CDIN1: variants seen among roughly 807,000 people sequenced by gnomAD.
CDIN1 encodes the protein CDAN1 interacting nuclease 1.
A neutral mutation model predicts 45.3 loss-of-function variants in CDIN1; 33 were observed. That is an observed-to-expected ratio of 0.73 (90% CI 0.55 to 0.97). CDIN1 has a LOEUF of 0.97. CDIN1 is among the 50% of genes least tolerant of loss of function. The probability of loss-of-function intolerance (pLI) is 0.00; values close to 1 mark genes in which losing one functional copy is unlikely to be tolerated. For synonymous variants in CDIN1, 118 were observed against 124.4 expected, an observed-to-expected ratio of 0.95 and a Z score of 0.34; for missense variants, 303 against 339.4, an observed-to-expected ratio of 0.89 and a Z score of 0.84.
chr15:36,797,641 T>C (rs2054849022), intron 10 of CDIN1, among the ~76,000 whole-genome samples: 1 of 149,774 alleles, frequency 6.7e-6, no homozygotes, highest in African/African-American at 2.5e-5. Context: ...TTCAGAAGTG[T>C]ACAACTTGGA....
chr15:36,768,604 G>A (rs1595575262), intron 10 of CDIN1, among the ~76,000 whole-genome samples: 1 of 152,150 alleles, frequency 6.6e-6, no homozygotes, highest in Admixed American at 6.5e-5. Context: ...CTGCCTTTAC[G>A]CAGATCCCCA....
intron 10 of CDIN1, among the ~76,000 whole-genome samples, chr15:36,796,636 C>T (rs991174094): frequency 3.3e-5 from 5 of 152,204 alleles, no homozygotes; most frequent in Non-Finnish European, 4.4e-5. Flanking sequence ...CTCTTCTGTT[C>T]ACCTCAGATG....
At chr15:36,634,311 C>A (rs929904095) in intron 1 of CDIN1, among the ~76,000 whole-genome samples, 1 of 118,504 alleles carries the variant, frequency 8.4e-6, no homozygotes, top group Non-Finnish European at 1.8e-5. Context: ...ATGCCTGAAA[C>A]CCCAGCTATT....
At chr15:36,803,987 T>TAC (rs2055137288) in intron 10 of CDIN1, among the ~76,000 whole-genome samples, 1 of 152,200 alleles carries the variant, frequency 6.6e-6, no homozygotes, top group African/African-American at 2.4e-5. Flanking sequence ...AACCGATCAC[T>TAC]ACCTCATAGT....
rs569212882 is a variant in CDIN1 at position 36,599,088 on chromosome 15, C to T, written c.101+19127C>T. On this transcript the variant is annotated intron_variant, in intron 1 of 10. Coordinates refer to ENST00000566621, the MANE Select transcript of CDIN1 (RefSeq NM_001321759.2). ...TTTATGATCTCTTTTGAGGAGACAG[C>T]GACTTTGAAGCATACTTGCTTTTTT... 3.3e-4 allele frequency among the ~76,000 whole-genome samples: 48 copies of T among 147,590 alleles called. No individual in the cohort carries two copies. In the South Asian group the frequency reaches 7.1e-3, roughly 22 times the overall value.
In CDIN1 at chr15:36,698,197, C is replaced by G. The variant is rs74935943; in HGVS notation, c.544+807C>G. Among the ~76,000 whole-genome samples the G allele has an allele frequency of 6.0e-3, 920 of 152,096 alleles. 5 individuals carry two copies. The highest frequency in any genetic ancestry group is 8.1e-3 in the Non-Finnish European group (551 of 67,984). ...TTCCAAAATGGGCAAAGAATTGGCC[C>G]AAACCAAATGCAGAGAAATGTCAAA... On this transcript the variant is annotated intron_variant, in intron 8 of 10. Transcript: ENST00000566621.
intron 10 of CDIN1, among the ~76,000 whole-genome samples, chr15:36,779,987 A>G (rs1357324646): frequency 6.6e-6 from 1 of 152,128 alleles, no homozygotes; most frequent in Non-Finnish European, 1.5e-5. Context: ...CCCTTCTTCT[A>G]AAGTTCAAAT....
chr15:36,796,691 G>A (rs1315398204), intron 10 of CDIN1, among the ~76,000 whole-genome samples: 9 of 152,264 alleles, frequency 5.9e-5, no homozygotes, highest in South Asian at 4.1e-4. Context: ...TTGCCCTGTC[G>A]GGAACCATCC....
chr15:36,694,550 T>G (rs1264028288), intron 7 of CDIN1, among the ~76,000 whole-genome samples: 1 of 151,544 alleles, frequency 6.6e-6, no homozygotes, highest in Non-Finnish European at 1.5e-5. Context: ...TAGCAAAGAG[T>G]ATATACATCA....
chr15:36,640,314 A>G (rs1042579129), intron 1 of CDIN1, among the ~76,000 whole-genome samples: 6 of 152,050 alleles, frequency 3.9e-5, no homozygotes, highest in African/African-American at 1.4e-4. Context: ...CTTGACCAGC[A>G]CTCTGAATCA....
intron 10 of CDIN1, among the ~76,000 whole-genome samples, chr15:36,753,423 G>A (rs1160128330): frequency 6.6e-6 from 1 of 152,012 alleles, no homozygotes; most frequent in Non-Finnish European, 1.5e-5. Context: ...TCATGTAGAT[G>A]GTTTGCAGTT....
intron 5 of CDIN1, among the ~76,000 whole-genome samples, chr15:36,687,917 T>G (rs2042117352): frequency 1.3e-5 from 2 of 151,916 alleles, no homozygotes; most frequent in Admixed American, 1.3e-4. Flanking sequence ...ACAGCAGAAA[T>G]CCATGTTTTT....
intron 10 of CDIN1, among the ~76,000 whole-genome samples, chr15:36,764,144 A>G (rs1266036305): frequency 1.3e-5 from 2 of 151,860 alleles, no homozygotes; most frequent in Non-Finnish European, 2.9e-5. Flanking sequence ...AGCAAAGCCA[A>G]TAGGCCAATC....
chr15:36,665,312 C>G (rs893317241), intron 5 of CDIN1, among the ~76,000 whole-genome samples: 1 of 152,172 alleles, frequency 6.6e-6, no homozygotes, highest in African/African-American at 2.4e-5. Context: ...TAGATTTCAA[C>G]TACGCTTTAT....
rs747719062 is a variant in CDIN1, at chr15:36,709,300, A to G, written c.610+12A>G. On this transcript the variant is annotated intron_variant, in intron 9 of 10. Transcript: ENST00000566621. Reference sequence around the variant, plus strand: ...ACAAGTACCAGTTGGTAAGTTCTTTAACTCTGTTATGCATTTGTTTTTAGA... The same window carrying G: ...ACAAGTACCAGTTGGTAAGTTCTTTGACTCTGTTATGCATTTGTTTTTAGA... 5 of 1,596,836 alleles carry G rather than the reference A, an allele frequency of 3.1e-6. No homozygotes were observed. The Middle Eastern group carries it at 5.0e-4, about 160-fold the overall frequency.
rs149222188 is a variant in CDIN1 at position 36,774,163 on chromosome 15, T to TGTGCGC, written c.717-34160_717-34159insTGCGCG. Reference sequence around the variant, plus strand: ...GTGTGTGTGTGTGTGTGTGTGTGTGTGCGCGCGCGCGCATGCATGAGGGGA... The same window carrying TGTGCGC: ...GTGTGTGTGTGTGTGTGTGTGTGTGTGTGCGCGCGCGCGCGCGCATGCATGAGGGGA... On this transcript the variant is annotated intron_variant, in intron 10 of 10. Coordinates refer to ENST00000566621, the MANE Select transcript of CDIN1 (RefSeq NM_001321759.2). 4.7e-3 allele frequency among the ~76,000 whole-genome samples: 679 copies of TGTGCGC among 143,130 alleles called. 5 individuals are homozygous for TGTGCGC. The highest frequency in any genetic ancestry group is 0.012 in the African/African-American group (456 of 37,736). 93.9% of individuals were successfully genotyped at this position (143,130 alleles called of 152,430 possible).
chr15:36,692,227 T>C (rs1246729012), intron 7 of CDIN1, 52 bp downstream of exon 7: 10 of 1,515,986 alleles, frequency 6.6e-6, no homozygotes, highest in Non-Finnish European at 9.1e-7. Context: ...TTAGACTCAG[T>C]GGAGATGTGT....
intron 10 of CDIN1, among the ~76,000 whole-genome samples, chr15:36,781,832 G>A (rs2054361108): frequency 6.6e-6 from 1 of 152,158 alleles, no homozygotes; most frequent in Non-Finnish European, 1.5e-5. Context: ...AGTATTTATT[G>A]GGCACCCAAA....
intron 10 of CDIN1, among the ~76,000 whole-genome samples, chr15:36,755,327 C>T (rs2053582317): frequency 6.6e-6 from 1 of 152,116 alleles, no homozygotes; most frequent in African/African-American, 2.4e-5. Context: ...AATTTAATAG[C>T]TTTTTAGGTT....
Sources: gnomAD v4.1 joint callset for allele counts (sites outside exome capture counted in the v4.1 genomes callset) on GRCh38, gnomAD v4.1.1 for gene constraint, MANE v1.5 for transcripts, NCBI Gene and HGNC (gene_info 2026-07-23, HGNC 2026-07-21) for gene names.